The following SH3RF2 variants were observed in gnomAD, a reference collection of about 807,000 sequenced individuals.
The protein encoded by SH3RF2 is E3 ubiquitin-protein ligase SH3RF2.
SH3RF2 carries 43 observed loss-of-function variants against 59.0 expected under a neutral mutation model. The ratio of observed to expected loss-of-function variants is 0.73; its 90% CI spans 0.57 to 0.94. SH3RF2 has a LOEUF of 0.94. SH3RF2 is among the 40% of genes least tolerant of loss of function. SH3RF2 has a pLI of 0.00. For missense variants in SH3RF2, 930 were observed against 940.1 expected, an observed-to-expected ratio of 0.99 and a Z score of 0.14; for synonymous variants, 391 against 391.5, an observed-to-expected ratio of 1.00 and a Z score of 0.01.
At chr5:146,035,461 G>A (rs948092853) in intron 5 of SH3RF2, among the ~76,000 whole-genome samples, 1 of 115,552 alleles carries the variant, frequency 8.7e-6, no homozygotes, top group Non-Finnish European at 2.0e-5. Flanking sequence ...GGAAAAAAGC[G>A]TCCCTAAACC....
rs1187965754 is a variant in SH3RF2 at position 146,055,971 on chromosome 5, C to T, written c.1323-10C>T. The T allele has an allele frequency of 6.3e-7, 1 of 1,597,636 alleles. No homozygotes were observed. Among genetic ancestry groups the T allele is most frequent in the Admixed American group, 1.8e-5 (1 of 55,998 alleles). On this transcript the variant is annotated splice_polypyrimidine_tract_variant and intron_variant, in intron 7 of 9. Transcript: ENST00000359120. The stretch of plus-strand genomic sequence containing the variant: ...TTTCTTCTCTTAAAAAAAAAATTTT[C>T]CAAAACCAGAAAGACCTCTAGTTTT...
downstream of SH3RF2, among the ~76,000 whole-genome samples, chr5:146,063,515 C>CA (rs923989875): frequency 6.6e-6 from 1 of 152,202 alleles, no homozygotes; most frequent in Admixed American, 6.5e-5. Flanking sequence ...AGCGTGCTTA[C>CA]AAACAATCTT....
intron 6 of SH3RF2, 32 bp from the exon 7 acceptor site, chr5:146,049,043 T>TCCTC (rs1451952912): frequency 6.2e-7 from 1 of 1,613,154 alleles, no homozygotes; most frequent in Non-Finnish European, 8.5e-7. Context: ...ACGTCTTCCT[T>TCCTC]CCTCCCTCAC....
At chr5:146,028,894 C>A (rs147295928) in intron 5 of SH3RF2, among the ~76,000 whole-genome samples, 1 of 152,160 alleles carries the variant, frequency 6.6e-6, no homozygotes, top group Non-Finnish European at 1.5e-5. Flanking sequence ...CCTGGAAATG[C>A]GCCAAAACAC....
intron 9 of SH3RF2, among the ~76,000 whole-genome samples, chr5:146,076,250 G>A (rs1221424045): frequency 6.6e-6 from 1 of 152,142 alleles, no homozygotes; most frequent in South Asian, 2.1e-4. Context: ...GGATGCAGAT[G>A]CTGTAATCTG....
intron 2 of SH3RF2, among the ~76,000 whole-genome samples, chr5:145,959,370 A>G (rs1387215836): frequency 6.6e-6 from 1 of 152,146 alleles, no homozygotes; most frequent in Non-Finnish European, 1.5e-5. Flanking sequence ...AGTGACAGAA[A>G]CCACCTCAAA....
intron 2 of SH3RF2, among the ~76,000 whole-genome samples, chr5:145,967,658 C>T (rs1442377919): frequency 1.3e-5 from 2 of 151,918 alleles, no homozygotes; most frequent in East Asian, 1.9e-4. Flanking sequence ...TTCTTTTTTT[C>T]TTTCTTTCTT....
intron 2 of SH3RF2, among the ~76,000 whole-genome samples, chr5:145,956,984 G>A (rs777421488): frequency 1.3e-5 from 2 of 152,192 alleles, no homozygotes; most frequent in Non-Finnish European, 2.9e-5. Context: ...ATAACTATCA[G>A]GCAGCAAAGA....
chr5:145,942,327 A>G (rs1757847474), intron 2 of SH3RF2, among the ~76,000 whole-genome samples: 1 of 152,132 alleles, frequency 6.6e-6, no homozygotes, highest in South Asian at 2.1e-4. Flanking sequence ...CTTTCTCCCT[A>G]CCTTGCTAGC....
intron 2 of SH3RF2, among the ~76,000 whole-genome samples, chr5:145,993,637 A>G (rs1303540106): frequency 6.6e-6 from 1 of 152,208 alleles, no homozygotes; most frequent in African/African-American, 2.4e-5. Flanking sequence ...CAAACTCTAT[A>G]TTGGCTCCTT....
intron 4 of SH3RF2, 126 bp from the exon 5 acceptor site, chr5:146,013,621 A>G: frequency 1.1e-6 from 1 of 909,300 alleles, no homozygotes; most frequent in South Asian, 1.5e-5. Context: ...TCACCAAGGA[A>G]TGAGCATCTG....
intron 2 of SH3RF2, among the ~76,000 whole-genome samples, chr5:145,943,737 G>T (rs191070184): frequency 6.6e-6 from 1 of 151,888 alleles, no homozygotes; most frequent in South Asian, 2.1e-4. Flanking sequence ...ATCAGTTAAA[G>T]GTGTCTGGCC....
intron 6 of SH3RF2, 94 bp downstream of exon 6, chr5:146,047,957 C>G (rs953274931): frequency 1.6e-6 from 2 of 1,222,434 alleles, no homozygotes; most frequent in African/African-American, 3.0e-5. Context: ...ATTCCCAAAA[C>G]ATCCCATCCA....
intron 4 of SH3RF2, among the ~76,000 whole-genome samples, chr5:146,004,357 G>A (rs1372204412): frequency 1.3e-5 from 2 of 152,222 alleles, no homozygotes; most frequent in African/African-American, 4.8e-5. Context: ...TGATGGGAAT[G>A]TAAATTAGTG....
chr5:146,056,909 C>T (rs1762691266), intron 8 of SH3RF2, among the ~76,000 whole-genome samples: 3 of 152,214 alleles, frequency 2.0e-5, no homozygotes, highest in African/African-American at 7.2e-5. Flanking sequence ...TTCTTGAGAA[C>T]TATGCTTTTG....
In SH3RF2 at chr5:145,964,312, C is replaced by CT. The variant is rs750453314; in HGVS notation, c.378+26020dup. Among the ~76,000 whole-genome samples, 231 of 111,144 alleles carry CT rather than the reference C, an allele frequency of 2.1e-3. 3 individuals are homozygous for CT. The highest frequency in any genetic ancestry group is 3.2e-3 in the Admixed American group (35 of 10,898). The allele number at this position is 111,144 out of a possible 152,430, so 72.9% of individuals were successfully genotyped here. On this transcript the variant is annotated intron_variant, in intron 2 of 9. Transcript: ENST00000359120. Reference sequence around the variant, plus strand: ...CCTTCCTTCCTTCCTTCCTTTCTTTCTTTTTTTTTTTTTTGACAGAGTCTT... The same window carrying CT: ...CCTTCCTTCCTTCCTTCCTTTCTTTCTTTTTTTTTTTTTTTGACAGAGTCTT...
chr5:145,950,311 T>G (rs146205047), intron 2 of SH3RF2, among the ~76,000 whole-genome samples: 4 of 152,322 alleles, frequency 2.6e-5, no homozygotes, highest in Admixed American at 2.0e-4. Flanking sequence ...CGGTATGTTG[T>G]TCCCTTTTGC....
chr5:145,962,879 AT>A (rs1490882138), intron 2 of SH3RF2, among the ~76,000 whole-genome samples: 1 of 114,092 alleles, frequency 8.8e-6, no homozygotes, highest in Non-Finnish European at 1.8e-5. Context: ...CAATCACTGT[AT>A]TATTCCACTT....
intron 5 of SH3RF2, among the ~76,000 whole-genome samples, chr5:146,020,544 A>G (rs1033837433): frequency 7.9e-5 from 12 of 152,184 alleles, no homozygotes; most frequent in Non-Finnish European, 1.8e-4. Context: ...AGCTCTTGCC[A>G]CTGCTCCTCC....
Sources: gnomAD v4.1 joint callset for allele counts (sites outside exome capture counted in the v4.1 genomes callset) on GRCh38, gnomAD v4.1.1 for gene constraint, MANE v1.5 for transcripts, NCBI Gene and HGNC (gene_info 2026-07-23, HGNC 2026-07-21) for gene names.